The following TGFB2 variants were observed in gnomAD, a reference collection of about 807,000 sequenced individuals.
TGFB2 encodes transforming growth factor beta 2.
TGFB2 carries 13 observed loss-of-function variants against 42.7 expected under a neutral mutation model. The ratio of observed to expected loss-of-function variants is 0.30; its 90% CI spans 0.20 to 0.48. The LOEUF (loss-of-function observed/expected upper bound fraction) is 0.48, where lower values mean the gene tolerates loss of function less well. Among genes scored for constraint, TGFB2 ranks in the 20% least tolerant of loss-of-function variants. The pLI, the probability that TGFB2 is intolerant of heterozygous loss-of-function variation, is 0.99. For missense variants in TGFB2, 390 were observed against 517.5 expected, an observed-to-expected ratio of 0.75 and a Z score of 2.39; for synonymous variants, 193 against 193.6, an observed-to-expected ratio of 1.00 and a Z score of 0.03.
At chr1:218,379,841 A>G (rs183530387) in intron 1 of TGFB2, among the ~76,000 whole-genome samples, 3 of 152,278 alleles carry the variant, frequency 2.0e-5, no homozygotes, top group Non-Finnish European at 4.4e-5. Flanking sequence ...ATCCAATTGC[A>G]TTTAACTTCT....
At chr1:218,358,583 C>T (rs189052342) in intron 1 of TGFB2, among the ~76,000 whole-genome samples, 68 of 143,162 alleles carry the variant, frequency 4.7e-4, no homozygotes, top group African/African-American at 1.7e-3. Flanking sequence ...GAGTCTCGCT[C>T]CGTCACCTAG....
intron 2 of TGFB2, among the ~76,000 whole-genome samples, chr1:218,418,052 C>G (rs1659337870): frequency 6.6e-6 from 1 of 152,232 alleles, no homozygotes. Flanking sequence ...AGAGTTTCTA[C>G]TGGGGCACCA....
intron 2 of TGFB2, among the ~76,000 whole-genome samples, chr1:218,431,908 A>G (rs1385544132): frequency 6.6e-6 from 1 of 152,232 alleles, no homozygotes; most frequent in East Asian, 1.9e-4. Context: ...TTTGATTCCT[A>G]GGAGATGGAC....
chr1:218,395,483 C>T (rs933159124), intron 1 of TGFB2, among the ~76,000 whole-genome samples: 1 of 152,206 alleles, frequency 6.6e-6, no homozygotes, highest in Non-Finnish European at 1.5e-5. Flanking sequence ...ACCTTCAACT[C>T]AGGACTCCTT....
At chr1:218,375,538 G>GTCAT (rs1436448231) in intron 1 of TGFB2, among the ~76,000 whole-genome samples, 5 of 151,450 alleles carry the variant, frequency 3.3e-5, no homozygotes, top group Non-Finnish European at 7.4e-5. Flanking sequence ...TGAGTAAATT[G>GTCAT]TCATTCATTC....
intron 1 of TGFB2, among the ~76,000 whole-genome samples, chr1:218,378,542 G>T (rs1657833075): frequency 6.6e-6 from 1 of 152,096 alleles, no homozygotes. Context: ...TCGAACTTCT[G>T]ACCTCAAGTG....
intron 2 of TGFB2, among the ~76,000 whole-genome samples, chr1:218,407,795 T>G (rs1658962939): frequency 6.6e-6 from 1 of 152,076 alleles, no homozygotes; most frequent in African/African-American, 2.4e-5. Context: ...CACCACATAC[T>G]ATGCTATTCC....
At position 218,346,691 on chromosome 1, in the gene TGFB2, T is replaced by G; in HGVS notation, c.-11T>G. ...TTTTAAAAACAACTTTTTTTTCCAC[T>G]TTTTTAAAAAATGCACTACTGTGTG... is the stretch of plus-strand genomic sequence containing the variant. On this transcript the variant is annotated 5_prime_UTR_variant, in exon 1 of 7. Transcript: ENST00000366930. This position sits in a 1 kb window ranked among gnomAD's most constrained non-coding sequence, Gnocchi z 4.9. The G allele has an allele frequency of 6.4e-7, 1 of 1,569,044 alleles. No homozygotes were observed. Among genetic ancestry groups the G allele is most frequent in the South Asian group, 1.2e-5 (1 of 83,268 alleles).
intron 1 of TGFB2, among the ~76,000 whole-genome samples, chr1:218,388,327 G>GC (rs148587818): frequency 6.6e-6 from 1 of 152,048 alleles, no homozygotes; most frequent in Non-Finnish European, 1.5e-5. Flanking sequence ...GTCACAGTTG[G>GC]CCCCCCCACA....
intron 1 of TGFB2, among the ~76,000 whole-genome samples, chr1:218,368,141 G>C (rs1238739558): frequency 6.6e-6 from 1 of 151,498 alleles, no homozygotes; most frequent in East Asian, 1.9e-4. Context: ...TCATTCAGCT[G>C]TATTTATTTT....
chr1:218,402,753 C>T (rs537378408), intron 1 of TGFB2, among the ~76,000 whole-genome samples: 3 of 152,248 alleles, frequency 2.0e-5, no homozygotes, highest in East Asian at 3.9e-4. Context: ...ACAGGAAACA[C>T]GCTAAATTAG....
chr1:218,394,794 T>A (rs189076544), intron 1 of TGFB2, among the ~76,000 whole-genome samples: 89 of 152,314 alleles, frequency 5.8e-4, no homozygotes, highest in Admixed American at 1.6e-3. Context: ...GTTTGGGATG[T>A]GGTAGTGAAA....
rs911130396 is a variant in TGFB2, at chr1:218,345,821, G to T, written c.-881G>T. The T allele has an allele frequency of 6.5e-6, 1 of 152,984 alleles. No individual in the cohort carries two copies. Among genetic ancestry groups the T allele is most frequent in the East Asian group, 1.9e-4 (1 of 5,182 alleles). 9.5% of individuals were successfully genotyped at this position (152,984 alleles called of 1,614,324 possible). A position where few individuals can be genotyped will look rare whatever the true frequency, so the allele number is the denominator to read the frequency against. On this transcript the variant is annotated 5_prime_UTR_variant, in exon 1 of 7. Transcript: ENST00000366930. ...GCAAGAGAAGGAGGAGCAGGAGAAG[G>T]AGGGAGCTGGAGGCTGGAAGCGTTT...
chr1:218,429,391 G>A (rs900417832), intron 2 of TGFB2, among the ~76,000 whole-genome samples: 4 of 152,200 alleles, frequency 2.6e-5, no homozygotes, highest in African/African-American at 9.7e-5. Context: ...AATCCTCAGA[G>A]TTCATCCATG....
chr1:218,358,446 C>T (rs1473710540), intron 1 of TGFB2, among the ~76,000 whole-genome samples: 2 of 151,884 alleles, frequency 1.3e-5, no homozygotes, highest in South Asian at 4.1e-4. Context: ...TCATTTATTC[C>T]CCTATCTATT....
intron 1 of TGFB2, among the ~76,000 whole-genome samples, chr1:218,400,990 A>G (rs1447196007): frequency 6.6e-6 from 1 of 152,318 alleles, no homozygotes; most frequent in Middle Eastern, 3.4e-3. Flanking sequence ...CCATTGTCCC[A>G]TAAGACCTCG....
intron 1 of TGFB2, among the ~76,000 whole-genome samples, chr1:218,385,898 C>T (rs1460331716): frequency 6.6e-6 from 1 of 152,188 alleles, no homozygotes; most frequent in Non-Finnish European, 1.5e-5. Context: ...TGGGCAGCCT[C>T]TCCCCCAGCC....
chr1:218,426,047 G>A (rs11466405), intron 2 of TGFB2, among the ~76,000 whole-genome samples: 1,588 of 152,238 alleles, frequency 0.01, 25 homozygotes, highest in African/African-American at 0.035. Context: ...TATTTAAAGC[G>A]TTAAAAACAT....
chr1:218,429,928 A>G (rs1372463948), intron 2 of TGFB2, among the ~76,000 whole-genome samples: 2 of 152,150 alleles, frequency 1.3e-5, no homozygotes, highest in African/African-American at 4.8e-5. Context: ...TAAGCATACA[A>G]CTCAACTGGT....
Sources: allele counts gnomAD v4.1 joint callset (sites outside exome capture counted in the v4.1 genomes callset), GRCh38; gene constraint gnomAD v4.1.1; non-coding constraint Gnocchi (gnomAD v3.1); transcripts MANE v1.5; gene names NCBI Gene and HGNC (gene_info 2026-07-23, HGNC 2026-07-21).